The following HIBCH variants were observed in gnomAD, a reference collection of about 807,000 sequenced individuals.
HIBCH encodes the protein 3-hydroxyisobutyryl-CoA hydrolase, mitochondrial.
A neutral mutation model predicts 58.2 loss-of-function variants in HIBCH; 50 were observed. That is an observed-to-expected ratio of 0.86 (90% CI 0.68 to 1.09). The LOEUF (loss-of-function observed/expected upper bound fraction) is 1.09, where lower values mean the gene tolerates loss of function less well. Ranked by LOEUF, HIBCH falls within the 50% of genes least tolerant of loss-of-function variation. The probability of loss-of-function intolerance (pLI) is 0.00; values close to 1 mark genes in which losing one functional copy is unlikely to be tolerated. For missense variants in HIBCH, 450 were observed against 449.7 expected (o/e 1.00, Z -0.01); for synonymous variants, 151 against 146.9 (o/e 1.03, Z -0.20).
In HIBCH at chr2:190,298,101, C is replaced by G. The variant is rs561376973; in HGVS notation, c.79-1148G>C. Reference sequence around the variant, plus strand: ...GACATGAGCTCATTCTTTTTCATGGCTGCATAGTATTCCATGGTGTATATG... The same window carrying G: ...GACATGAGCTCATTCTTTTTCATGGGTGCATAGTATTCCATGGTGTATATG... On this transcript the variant is annotated intron_variant, in intron 2 of 13. Coordinates refer to ENST00000359678, the MANE Select transcript of HIBCH (RefSeq NM_014362.4). 1.7e-3 allele frequency among the ~76,000 whole-genome samples: 262 copies of G among 152,290 alleles called. 3 individuals carry two copies. Among genetic ancestry groups the G allele is most frequent in the African/African-American group, 6.0e-3 (248 of 41,564 alleles).
intron 1 of HIBCH, among the ~76,000 whole-genome samples, chr2:190,190,224 G>A (rs1219954335): frequency 6.6e-6 from 1 of 152,118 alleles, no homozygotes; most frequent in Non-Finnish European, 1.5e-5. Flanking sequence ...CTTCCAAACA[G>A]TCCTTACTTC....
intron 7 of HIBCH, among the ~76,000 whole-genome samples, chr2:190,255,857 G>T (rs996528787): frequency 1.3e-5 from 2 of 152,124 alleles, no homozygotes; most frequent in Non-Finnish European, 2.9e-5. Context: ...GAGTGTGTGT[G>T]TGTGTCAAGA....
In HIBCH at chr2:190,246,196, T is replaced by C. The variant is rs1686603029; in HGVS notation, c.767A>G (p.Asp256Gly). 2 of 1,591,716 alleles carry C rather than the reference T, an allele frequency of 1.3e-6. No individual in the cohort carries two copies. The highest frequency in any genetic ancestry group is 4.5e-5 in the East Asian group (2 of 44,628). The change falls in exon 10 of 14, where the codon GAC (aspartate) becomes GGC (glycine). Residue 256 changes from aspartate (D) to glycine (G), a missense_variant. Coordinates refer to ENST00000359678, the MANE Select transcript of HIBCH (RefSeq NM_014362.4). ...NYHTESKIDRDKSFILEEHMD... is the reference protein window; with the variant it reads ...NYHTESKIDRGKSFILEEHMD... ...GTGTTCCTCAAGTATAAAAGACTTG[T>C]CTCGATCAATCTTAGACTGTTTGAA...
intron 1 of HIBCH, among the ~76,000 whole-genome samples, chr2:190,314,757 G>A (rs1213715302): frequency 6.6e-6 from 1 of 152,128 alleles, no homozygotes; most frequent in African/African-American, 2.4e-5. Context: ...GGGATGACAG[G>A]TGTGAGCCAC....
At chr2:190,242,179 A>C (rs1686473132) in intron 11 of HIBCH, among the ~76,000 whole-genome samples, 2 of 151,462 alleles carry the variant, frequency 1.3e-5, no homozygotes, top group Non-Finnish European at 2.9e-5. Context: ...TCATTTCTCT[A>C]ATCTTGTCTT....
chr2:190,266,300 T>C (rs1687232765), intron 6 of HIBCH, among the ~76,000 whole-genome samples: 1 of 152,228 alleles, frequency 6.6e-6, no homozygotes, highest in Non-Finnish European at 1.5e-5. Context: ...ATAAAATATG[T>C]GCATGAAAAT....
At chr2:190,285,694 C>A (rs1272138845) in intron 6 of HIBCH, among the ~76,000 whole-genome samples, 4 of 152,084 alleles carry the variant, frequency 2.6e-5, no homozygotes, top group African/African-American at 9.7e-5. Context: ...TACCTGGGCC[C>A]TACCTACCTA....
intron 4 of HIBCH, 86 bp downstream of exon 4, chr2:190,294,460 A>AT (rs755895107): frequency 1.1e-6 from 1 of 914,034 alleles, no homozygotes; most frequent in East Asian, 2.5e-5. Context: ...AGTAAAGCAA[A>AT]TTATAAATTA....
chr2:190,312,617 A>G (rs1264918091), intron 1 of HIBCH, among the ~76,000 whole-genome samples: 1 of 152,248 alleles, frequency 6.6e-6, no homozygotes, highest in African/African-American at 2.4e-5. Flanking sequence ...TTGTAATCCA[A>G]CTTGCCTTTC....
intron 6 of HIBCH, among the ~76,000 whole-genome samples, chr2:190,266,443 ATTTAT>A (rs1269032817): frequency 6.6e-6 from 1 of 151,994 alleles, no homozygotes; most frequent in Non-Finnish European, 1.5e-5. Context: ...TTACTTATTT[ATTTAT>A]TTTGAGCCAG....
At chr2:190,294,276 T>C (rs989380815) in intron 4 of HIBCH, among the ~76,000 whole-genome samples, 5 of 151,866 alleles carry the variant, frequency 3.3e-5, no homozygotes, top group Non-Finnish European at 5.9e-5. Flanking sequence ...ACTGGACATT[T>C]TGTTTGTGAT....
Position 190,210,901 on chromosome 2 carries a change from A to G in HIBCH, c.1012-1988T>C, listed in dbSNP as rs1374429874. The stretch of plus-strand genomic sequence containing the variant: ...GCCTTCTCTGGTCATCCCATCTACA[A>G]TTCATCCCCCTGTTACTCTATATCA... On this transcript the variant is annotated intron_variant, in intron 12 of 13. Coordinates refer to ENST00000359678, the MANE Select transcript of HIBCH (RefSeq NM_014362.4). The surrounding 1 kb of genome is among the most constrained non-coding windows in gnomAD (Gnocchi z 5.5). 6.6e-6 allele frequency among the ~76,000 whole-genome samples: 1 copy of G among 152,134 alleles called. No homozygotes were observed. The highest frequency in any genetic ancestry group is 2.4e-5 in the African/African-American group (1 of 41,418).
intron 1 of HIBCH, among the ~76,000 whole-genome samples, chr2:190,190,712 G>C (rs1484043812): frequency 1.3e-5 from 2 of 151,954 alleles, no homozygotes; most frequent in African/African-American, 2.4e-5. Context: ...TAAGCACTGG[G>C]GTTTTTTAAA....
At chr2:190,250,345 G>T (rs1051395453) in intron 8 of HIBCH, 5 of 464,024 alleles carry the variant, frequency 1.1e-5, no homozygotes, top group African/African-American at 2.0e-5. Context: ...AATTCTTTGA[G>T]TATTTTCTTT....
chr2:190,305,277 G>A (rs1013748772), intron 2 of HIBCH, among the ~76,000 whole-genome samples: 9 of 152,232 alleles, frequency 5.9e-5, no homozygotes, highest in African/African-American at 1.9e-4. Context: ...ATGACTTTGA[G>A]TCTGAACAAC....
chr2:190,266,829 T>C (rs978612386), intron 6 of HIBCH, among the ~76,000 whole-genome samples: 4 of 152,180 alleles, frequency 2.6e-5, no homozygotes, highest in Non-Finnish European at 5.9e-5. Context: ...CAATATCAGC[T>C]CACTGCAACC....
At chr2:190,252,349 T>C (rs759453377) in intron 7 of HIBCH, 42 bp from the exon 8 acceptor site, 4 of 1,552,226 alleles carry the variant, frequency 2.6e-6, no homozygotes, top group Non-Finnish European at 3.6e-6. Flanking sequence ...GTGATTCAAA[T>C]GAAAAAGATA....
At chr2:190,246,996 A>G (rs966269750) in intron 9 of HIBCH, among the ~76,000 whole-genome samples, 3 of 151,910 alleles carry the variant, frequency 2.0e-5, no homozygotes, top group African/African-American at 4.8e-5. Flanking sequence ...CTCCAATTAA[A>G]TAAGACTTTT....
intron 11 of HIBCH, among the ~76,000 whole-genome samples, chr2:190,227,187 G>A (rs1685931886): frequency 6.6e-6 from 1 of 152,106 alleles, no homozygotes. Flanking sequence ...TATACTACAA[G>A]GCTACAGTAA....
Sources: gnomAD v4.1 joint callset for allele counts (sites outside exome capture counted in the v4.1 genomes callset) on GRCh38, gnomAD v4.1.1 for gene constraint, Gnocchi (gnomAD v3.1) non-coding constraint, MANE v1.5 for transcripts, NCBI Gene and HGNC (gene_info 2026-07-23, HGNC 2026-07-21) for gene names.